Variants in HCRTR2 observed in about 807,000 individuals in gnomAD.
HCRTR2 encodes hypocretin receptor 2.
In HCRTR2, 22 loss-of-function variants were observed where a neutral mutation model predicts 49.0. The ratio of observed to expected loss-of-function variants is 0.45; its 90% confidence interval spans 0.32 to 0.64. The LOEUF (loss-of-function observed/expected upper bound fraction) is 0.64, where lower values mean the gene tolerates loss of function less well. Among genes scored for constraint, HCRTR2 ranks in the 30% least tolerant of loss-of-function variants. HCRTR2 has a pLI of 0.04. For synonymous variants in HCRTR2, 236 were observed against 205.3 expected (o/e 1.15, Z -1.28); for missense variants, 491 against 559.4 (o/e 0.88, Z 1.23).
intron 1 of HCRTR2, among the ~76,000 whole-genome samples, chr6:55,146,513 G>A (rs7755949): frequency 0.94 from 142,201 of 151,612 alleles, 66,747 homozygotes; most frequent in East Asian, 1. Flanking sequence ...AATAATTAAT[G>A]TTGCAGATAA....
At chr6:55,123,543 G>T (rs114048620) in intron 1 of HCRTR2, among the ~76,000 whole-genome samples, 5 of 152,134 alleles carry the variant, frequency 3.3e-5, no homozygotes, top group African/African-American at 7.2e-5. Flanking sequence ...TTTTATTGAG[G>T]ATTTTCCCAT....
At chr6:55,254,948 A>G (rs889878966) in intron 2 of HCRTR2, among the ~76,000 whole-genome samples, 188 bp from the exon 3 acceptor site, 2 of 152,148 alleles carry the variant, frequency 1.3e-5, no homozygotes, top group African/African-American at 4.8e-5. Context: ...TTAAAAGTAT[A>G]TTTCTAATAT....
chr6:55,145,587 T>C (rs1429172545), intron 1 of HCRTR2, among the ~76,000 whole-genome samples: 3 of 152,076 alleles, frequency 2.0e-5, no homozygotes, highest in African/African-American at 7.2e-5. Context: ...ATTTTTGTTT[T>C]TGTATTTTTA....
chr6:55,274,038 T>C (rs1334814346), intron 4 of HCRTR2, among the ~76,000 whole-genome samples: 2 of 151,872 alleles, frequency 1.3e-5, no homozygotes, highest in African/African-American at 4.8e-5. Flanking sequence ...TTTTGCACTT[T>C]CATAAAAAAT....
Position 55,147,496 on chromosome 6 carries a change from G to A in HCRTR2, c.-377-26715G>A, listed in dbSNP as rs531504820. On this transcript the variant is annotated intron_variant, in intron 1 of 7. Coordinates refer to the HCRTR2 transcript ENST00000615358. ...AACTCACACCAACCTTATGAAATAGGTACTGTTACTATCCTCATTTAAGGG... is the reference window on the plus strand; with the variant it reads ...AACTCACACCAACCTTATGAAATAGATACTGTTACTATCCTCATTTAAGGG... Among the ~76,000 whole-genome samples the A allele has an allele frequency of 1.5e-4, 23 of 152,118 alleles. No homozygotes were observed. The East Asian group carries it at 4.4e-3, about 29-fold the overall frequency.
chr6:55,107,744 T>A (rs1763995060), intron 1 of HCRTR2, among the ~76,000 whole-genome samples: 1 of 152,134 alleles, frequency 6.6e-6, no homozygotes, highest in South Asian at 2.1e-4. Context: ...TAAATATACA[T>A]CCTGGTATAG....
intron 1 of HCRTR2, among the ~76,000 whole-genome samples, chr6:55,185,090 A>G (rs1490107803): frequency 6.6e-6 from 1 of 152,210 alleles, no homozygotes; most frequent in African/African-American, 2.4e-5. Flanking sequence ...TTATTATATT[A>G]AACCGAATCA....
Position 55,205,347 on chromosome 6 carries a change from C to T in HCRTR2, c.223+30537C>T, listed in dbSNP as rs77681868. 0.024 allele frequency among the ~76,000 whole-genome samples: 3,707 copies of T among 151,902 alleles called. 470 individuals are homozygous for T. In the East Asian group the frequency reaches 0.39, roughly 16 times the overall value. ...GAAAAGACAAGAAAATGTGAGAGAT[C>T]GAGAAGAATGGCTGGGGAAGAAGGA... On this transcript the variant is annotated intron_variant, in intron 1 of 6. Coordinates refer to ENST00000370862, the MANE Select transcript of HCRTR2 (RefSeq NM_001384272.1).
rs1279712051 is a variant in HCRTR2, at chr6:55,120,652, G to A, written c.-378+14107G>A. On this transcript the variant is annotated intron_variant, in intron 1 of 7. Transcript: ENST00000615358. ...GCTTATCAGCTTACGGAGATTTGGA[G>A]CTGAGATGATAGGGTTTTCTAAATA... 4.6e-5 allele frequency among the ~76,000 whole-genome samples: 7 copies of A among 151,180 alleles called. 1 individual carries two copies. Among genetic ancestry groups the A allele is most frequent in the Admixed American group, 3.9e-4 (6 of 15,200 alleles).
At chr6:55,141,200 C>T (rs1211708542) in intron 1 of HCRTR2, among the ~76,000 whole-genome samples, 1 of 147,630 alleles carries the variant, frequency 6.8e-6, no homozygotes, top group Non-Finnish European at 1.5e-5. Context: ...AAAAAATTAA[C>T]CGGGCGTGGT....
At chr6:55,275,799 G>A (rs1249974178) in intron 4 of HCRTR2, among the ~76,000 whole-genome samples, 6 of 151,884 alleles carry the variant, frequency 4.0e-5, no homozygotes, top group Non-Finnish European at 5.9e-5. Flanking sequence ...TAGTAGAGGC[G>A]GGGTTTCTTC....
At position 55,237,310 on chromosome 6, in the gene HCRTR2, C is replaced by T. The variant is rs1192296005; in HGVS notation, c.224-11329C>T. Among the ~76,000 whole-genome samples the T allele has an allele frequency of 3.3e-5, 5 of 152,100 alleles. No homozygotes were observed. In the East Asian group the frequency reaches 9.6e-4, roughly 29 times the overall value. On this transcript the variant is annotated intron_variant, in intron 1 of 6. Coordinates refer to ENST00000370862, the MANE Select transcript of HCRTR2 (RefSeq NM_001384272.1). ...GAGAATTTGCTTTTGCTTTGGCCAG[C>T]AGCTAGTGTTGGGACAGAAAACCAC...
At chr6:55,234,166 T>C (rs886840806) in intron 1 of HCRTR2, among the ~76,000 whole-genome samples, 1 of 152,192 alleles carries the variant, frequency 6.6e-6, no homozygotes, top group African/African-American at 2.4e-5. Flanking sequence ...TTTACCTATA[T>C]TGAGTTATTT....
Position 55,186,877 on chromosome 6 carries a change from A to G in HCRTR2, c.223+12067A>G, listed in dbSNP as rs113240313. Reference sequence around the variant, plus strand: ...TAGGAATCCTCTGTCATTCTTTTCCATTGCCAGTGACTTGTGCCAATTCTA... The same window carrying G: ...TAGGAATCCTCTGTCATTCTTTTCCGTTGCCAGTGACTTGTGCCAATTCTA... On this transcript the variant is annotated intron_variant, in intron 1 of 6. Coordinates refer to ENST00000370862, the MANE Select transcript of HCRTR2 (RefSeq NM_001384272.1). 2.2e-3 allele frequency among the ~76,000 whole-genome samples: 338 copies of G among 152,264 alleles called. 3 individuals are homozygous for G. The highest frequency in any genetic ancestry group is 7.3e-3 in the African/African-American group (304 of 41,544).
In HCRTR2 at chr6:55,190,885, T is replaced by C. The variant is rs148193249; in HGVS notation, c.223+16075T>C. ...ATCTACACTTTAAATAGAGCCTCAGTTCACCAAGTATGAGAAGTCCTGTAA... is the reference window on the plus strand; with the variant it reads ...ATCTACACTTTAAATAGAGCCTCAGCTCACCAAGTATGAGAAGTCCTGTAA... On this transcript the variant is annotated intron_variant, in intron 1 of 6. Coordinates refer to ENST00000370862, the MANE Select transcript of HCRTR2 (RefSeq NM_001384272.1). Among the ~76,000 whole-genome samples the C allele has an allele frequency of 3.2e-3, 481 of 152,294 alleles. 1 individual carries two copies. Among genetic ancestry groups the C allele is most frequent in the African/African-American group, 0.011 (462 of 41,572 alleles).
chr6:55,233,562 T>C (rs1183589785), intron 1 of HCRTR2, among the ~76,000 whole-genome samples: 1 of 152,144 alleles, frequency 6.6e-6, no homozygotes, highest in Non-Finnish European at 1.5e-5. Flanking sequence ...CCAGGCATGG[T>C]GGTGCACACC....
At chr6:55,266,335 G>A (rs1405430418) in intron 4 of HCRTR2, among the ~76,000 whole-genome samples, 2 of 152,096 alleles carry the variant, frequency 1.3e-5, no homozygotes, top group African/African-American at 2.4e-5. Context: ...CCTATAAATA[G>A]CACATGCTCA....
intron 1 of HCRTR2, among the ~76,000 whole-genome samples, chr6:55,194,476 A>T (rs986625918): frequency 1.3e-5 from 2 of 152,114 alleles, no homozygotes; most frequent in African/African-American, 4.8e-5. Flanking sequence ...TGAAATTTTT[A>T]AAATTATTCT....
At chr6:55,274,358 TGCCTA>T (rs1767038356) in intron 4 of HCRTR2, among the ~76,000 whole-genome samples, 12 of 147,472 alleles carry the variant, frequency 8.1e-5, no homozygotes, top group Non-Finnish European at 1.0e-4. Context: ...ATGAAATGTA[TGCCTA>T]AAACACATTC....
Sources: allele counts gnomAD v4.1 joint callset (sites outside exome capture counted in the v4.1 genomes callset), GRCh38; gene constraint gnomAD v4.1.1; transcripts MANE v1.5; gene names NCBI Gene and HGNC (gene_info 2026-07-23, HGNC 2026-07-21).